PRKN: variants seen among roughly 807,000 people sequenced by gnomAD.
The protein encoded by PRKN is parkin RBR E3 ubiquitin protein ligase.
Under a neutral mutation model 59.5 loss-of-function variants are expected in PRKN, and 56 were observed. The ratio of observed to expected loss-of-function variants is 0.94; its 90% CI spans 0.76 to 1.18. PRKN has a LOEUF of 1.18. PRKN is among the 50% of genes most tolerant of loss of function. The pLI, the probability that PRKN is intolerant of heterozygous loss-of-function variation, is 0.00. For missense variants in PRKN, 657 were observed against 596.4 expected (o/e 1.10, Z -1.06); for synonymous variants, 250 against 222.1 (o/e 1.13, Z -1.12).
chr6:162,340,541 C>G (rs1784129936), intron 2 of PRKN, among the ~76,000 whole-genome samples: 1 of 152,012 alleles, frequency 6.6e-6, no homozygotes, highest in African/African-American at 2.4e-5. Context: ...TAAAAAATCT[C>G]CTGGTGTCAA....
chr6:162,090,380 A>G (rs1779434478), intron 4 of PRKN, among the ~76,000 whole-genome samples: 1 of 152,204 alleles, frequency 6.6e-6, no homozygotes, highest in Non-Finnish European at 1.5e-5. Flanking sequence ...TTATCCCTCA[A>G]TCAGCATGCC....
At chr6:162,585,258 T>G in intron 1 of PRKN, among the ~76,000 whole-genome samples, 1 of 152,178 alleles carries the variant, frequency 6.6e-6, no homozygotes, top group East Asian at 1.9e-4. Flanking sequence ...GTAAGTACTT[T>G]TAACTCTAAA....
intron 1 of PRKN, among the ~76,000 whole-genome samples, chr6:162,679,411 T>C (rs1488046767): frequency 6.6e-6 from 1 of 152,102 alleles, no homozygotes; most frequent in Non-Finnish European, 1.5e-5. Context: ...GCAAGGTGTT[T>C]TGAAGAGCCG....
intron 2 of PRKN, among the ~76,000 whole-genome samples, chr6:162,276,680 A>G (rs1352895234): frequency 7.1e-6 from 1 of 140,666 alleles, no homozygotes; most frequent in African/African-American, 2.8e-5. Context: ...CTTTACCTCT[A>G]ACAGAAGCTG....
intron 1 of PRKN, among the ~76,000 whole-genome samples, chr6:162,614,839 GCTA>G (rs1452605932): frequency 6.6e-6 from 1 of 152,116 alleles, no homozygotes; most frequent in African/African-American, 2.4e-5. Flanking sequence ...AGTTGGTTTT[GCTA>G]CTGTTTATAT....
intron 1 of PRKN, among the ~76,000 whole-genome samples, chr6:162,684,960 T>C (rs1294568531): frequency 6.6e-6 from 1 of 152,172 alleles, no homozygotes; most frequent in Non-Finnish European, 1.5e-5. Flanking sequence ...CCTAGTGTTT[T>C]TCATAAACAT....
At chr6:161,739,877 C>T (rs1788116932) in intron 7 of PRKN, among the ~76,000 whole-genome samples, 1 of 152,142 alleles carries the variant, frequency 6.6e-6, no homozygotes. Context: ...ACCTCAGCCT[C>T]CTGAGTAGCT....
intron 7 of PRKN, among the ~76,000 whole-genome samples, chr6:161,756,229 G>A (rs796996225): frequency 9.9e-5 from 15 of 152,116 alleles, no homozygotes; most frequent in African/African-American, 3.6e-4. Flanking sequence ...ATTACTTGAT[G>A]TCAGGAGTTC....
chr6:161,981,510 T>C (rs1342215099), intron 5 of PRKN, among the ~76,000 whole-genome samples: 1 of 152,064 alleles, frequency 6.6e-6, no homozygotes, highest in Non-Finnish European at 1.5e-5. Context: ...CAAGACCCTG[T>C]CTTTAAAAAC....
intron 7 of PRKN, among the ~76,000 whole-genome samples, chr6:161,762,638 A>T (rs6455770): frequency 0.84 from 127,742 of 152,184 alleles, 54,098 homozygotes; most frequent in East Asian, 0.97. Flanking sequence ...TTAAATAACT[A>T]CAAAAACCGG....
intron 6 of PRKN, among the ~76,000 whole-genome samples, chr6:161,860,574 G>C (rs1387867045): frequency 2.0e-5 from 3 of 152,094 alleles, no homozygotes; most frequent in East Asian, 3.8e-4. Context: ...CATCTTCCTA[G>C]TTTTAAAACC....
intron 7 of PRKN, among the ~76,000 whole-genome samples, chr6:161,659,204 A>G (rs1213586667): frequency 6.6e-6 from 1 of 152,230 alleles, no homozygotes; most frequent in Non-Finnish European, 1.5e-5. Flanking sequence ...AGTGACACTT[A>G]GTATTCCAGG....
chr6:162,532,959 T>G (rs979045312), intron 1 of PRKN, among the ~76,000 whole-genome samples: 2 of 152,192 alleles, frequency 1.3e-5, no homozygotes, highest in Non-Finnish European at 2.9e-5. Context: ...GATGCAATAA[T>G]GTCTTGGCAA....
At chr6:162,533,521 C>T (rs1778595328) in intron 1 of PRKN, among the ~76,000 whole-genome samples, 1 of 151,922 alleles carries the variant, frequency 6.6e-6, no homozygotes, top group Non-Finnish European at 1.5e-5. Flanking sequence ...CAGTGAGACT[C>T]CGTCTCAAAA....
Position 161,359,409 on chromosome 6 carries a change from C to T in PRKN, c.1285+679G>A, listed in dbSNP as rs754492065. Among the ~76,000 whole-genome samples, 3 of 152,254 alleles carry T rather than the reference C, an allele frequency of 2.0e-5. No individual in the cohort carries two copies. Among genetic ancestry groups the T allele is most frequent in the Non-Finnish European group, 4.4e-5 (3 of 68,046 alleles). On this transcript the variant is annotated intron_variant, in intron 11 of 11. Transcript: ENST00000366898. This position sits in a 1 kb window ranked among gnomAD's most constrained non-coding sequence, Gnocchi z 5.4. ...GGGCAACCTGCCAGCCAGGGCGTAG[C>T]TGATGCTCATTAAGGAGAAGCTGGG...
chr6:162,094,811 A>AT (rs1217642834), intron 4 of PRKN, among the ~76,000 whole-genome samples: 1 of 152,190 alleles, frequency 6.6e-6, no homozygotes, highest in Non-Finnish European at 1.5e-5. Flanking sequence ...AACTATGTAA[A>AT]TTTAGGAGGG....
At chr6:161,681,849 G>A (rs1785377100) in intron 7 of PRKN, among the ~76,000 whole-genome samples, 1 of 152,190 alleles carries the variant, frequency 6.6e-6, no homozygotes, top group Non-Finnish European at 1.5e-5. Context: ...TGAAGTTCTC[G>A]TTCTTCATGC....
At chr6:162,640,929 C>T (rs893332343) in intron 1 of PRKN, among the ~76,000 whole-genome samples, 10 of 151,984 alleles carry the variant, frequency 6.6e-5, no homozygotes, top group African/African-American at 1.2e-4. Flanking sequence ...AGACTCATGG[C>T]GAAGGTCATA....
At chr6:162,667,795 T>C (rs1779159684) in intron 1 of PRKN, among the ~76,000 whole-genome samples, 1 of 152,172 alleles carries the variant, frequency 6.6e-6, no homozygotes, top group African/African-American at 2.4e-5. Flanking sequence ...ATTATTTAAC[T>C]TCTTAGAGCC....
Sources: allele counts gnomAD v4.1 joint callset (sites outside exome capture counted in the v4.1 genomes callset), GRCh38; gene constraint gnomAD v4.1.1; non-coding constraint Gnocchi (gnomAD v3.1); transcripts MANE v1.5; gene names NCBI Gene and HGNC (gene_info 2026-07-23, HGNC 2026-07-21).